TRNT1: variants seen among roughly 807,000 people sequenced by gnomAD.
The protein encoded by TRNT1 is CCA tRNA nucleotidyltransferase 1, mitochondrial.
A neutral mutation model predicts 45.6 loss-of-function variants in TRNT1; 44 were observed. The observed-to-expected ratio is 0.97, with a 90% CI of 0.76 to 1.24. TRNT1 has a LOEUF of 1.24. TRNT1 is among the 50% of genes most tolerant of loss of function. The pLI is 0.00. For missense variants in TRNT1, 633 were observed against 504.4 expected (o/e 1.25, Z -2.44); for synonymous variants, 201 against 171.4 (o/e 1.17, Z -1.35).
intron 1 of TRNT1, chr3:3,127,529 T>C (rs527327030): frequency 2.0e-5 from 3 of 152,390 alleles, no homozygotes; most frequent in Non-Finnish European, 4.4e-5. Flanking sequence ...GGATGTGATA[T>C]GTAGAAGGGA....
chr3:3,128,918 T>G, intron 1 of TRNT1, 96 bp from the exon 2 acceptor site: 1 of 942,708 alleles, frequency 1.1e-6, no homozygotes, highest in Non-Finnish European at 1.6e-6. Flanking sequence ...AGAGATGAAT[T>G]TCTGAGTTGA....
intron 5 of TRNT1, 118 bp downstream of exon 5, chr3:3,144,828 C>G: frequency 9.3e-7 from 1 of 1,073,198 alleles, no homozygotes. Context: ...AAATGTCTGT[C>G]TCCAGTGGAG....
chr3:3,151,075 G>A, downstream of TRNT1: 1 of 1,611,072 alleles, frequency 6.2e-7, no homozygotes, highest in Admixed American at 1.7e-5. Flanking sequence ...TATCAGCTAA[G>A]GAAACATTTC....
downstream of TRNT1, chr3:3,151,196 A>C (rs1706518481): frequency 2.5e-6 from 2 of 799,932 alleles, no homozygotes; most frequent in African/African-American, 3.5e-5. Context: ...CCTGAAACCT[A>C]AAAACATTTC....
At chr3:3,141,382 A>G (rs554845968) in intron 4 of TRNT1, among the ~76,000 whole-genome samples, 4 of 152,136 alleles carry the variant, frequency 2.6e-5, no homozygotes, top group Non-Finnish European at 5.9e-5. Flanking sequence ...CCTTTGCACT[A>G]TCTTTCATGC....
At chr3:3,141,089 T>C (rs1237182854) in intron 4 of TRNT1, among the ~76,000 whole-genome samples, 1 of 152,194 alleles carries the variant, frequency 6.6e-6, no homozygotes, top group East Asian at 1.9e-4. Flanking sequence ...AAGAATAGAC[T>C]CTGGAGCCAA....
chr3:3,132,740 A>AAC (rs1553552208), intron 2 of TRNT1, among the ~76,000 whole-genome samples: 4 of 134,226 alleles, frequency 3.0e-5, no homozygotes, highest in Admixed American at 2.3e-4. Flanking sequence ...GGAAAAAAAA[A>AAC]AAAACACAAA....
At chr3:3,146,837 C>G (rs1191036446) in intron 6 of TRNT1, among the ~76,000 whole-genome samples, 1 of 152,102 alleles carries the variant, frequency 6.6e-6, no homozygotes, top group African/African-American at 2.4e-5. Flanking sequence ...AGTCTCTAGT[C>G]AGACCTAGGT....
At chr3:3,137,210 C>T in intron 2 of TRNT1, 50 bp from the exon 3 acceptor site, 1 of 1,451,852 alleles carries the variant, frequency 6.9e-7, no homozygotes. Context: ...AAAATAAACA[C>T]ATTGAAATAA....
chr3:3,149,381 T>C (rs1315316831), downstream of TRNT1: 5 of 152,108 alleles, frequency 3.3e-5, no homozygotes, highest in African/African-American at 1.2e-4. Flanking sequence ...TCAGGTCTGG[T>C]TTTGTCATGT....
chr3:3,148,168 T>A lies in TRNT1; in HGVS notation c.*14T>A. 1 of 1,609,178 alleles carries A rather than the reference T, an allele frequency of 6.2e-7. No individual in the cohort carries two copies. On this transcript the variant is annotated 3_prime_UTR_variant, in exon 8 of 8. Transcript: ENST00000251607. ...AAGAAGACCTAAAACTGATGGCTAC[T>A]AAAAAGCAGAGCATTTCTGGTAAGA...
intron 4 of TRNT1, among the ~76,000 whole-genome samples, chr3:3,143,069 TAAG>T (rs903659071): frequency 2.0e-5 from 3 of 152,222 alleles, no homozygotes; most frequent in Non-Finnish European, 2.9e-5. Context: ...GTATTTTTGA[TAAG>T]TAGTTGTCAG....
chr3:3,136,036 G>C (rs1377572937), intron 2 of TRNT1, among the ~76,000 whole-genome samples: 1 of 152,172 alleles, frequency 6.6e-6, no homozygotes, highest in African/African-American at 2.4e-5. Flanking sequence ...GTGATTGGGT[G>C]TCTTAATAAT....
chr3:3,129,349 C>G (rs1704852050), intron 2 of TRNT1, 161 bp downstream of exon 2: 1 of 658,076 alleles, frequency 1.5e-6, no homozygotes, highest in Non-Finnish European at 2.5e-6. Flanking sequence ...AGGCTGGTCT[C>G]AAAACTCCTG....
At chr3:3,150,925 C>A, downstream of TRNT1, 3 of 1,613,950 alleles carry the variant, frequency 1.9e-6, no homozygotes, top group Non-Finnish European at 8.5e-7. Context: ...GGATCGTGGG[C>A]AACAGAGCAG....
chr3:3,151,499 T>C (rs895691368), downstream of TRNT1, among the ~76,000 whole-genome samples: 5 of 42,900 alleles, frequency 1.2e-4, no homozygotes, highest in African/African-American at 2.8e-4. Context: ...AAAGTAAATA[T>C]TTATATTCTA....
chr3:3,148,236 C>T lies in TRNT1; in HGVS notation c.*82C>T, dbSNP rs1273388864. On this transcript the variant is annotated 3_prime_UTR_variant, in exon 8 of 8. Transcript: ENST00000251607. ...CCTCTTAATGAGGTTTTAGAGACTA[C>T]ACCAGAATAAAAGACAGTTTAGGGG... 1 of 1,477,708 alleles carries T rather than the reference C, an allele frequency of 6.8e-7. No individual in the cohort carries two copies. The highest frequency in any genetic ancestry group is 2.3e-5 in the East Asian group (1 of 43,810). The allele number at this position is 1,477,708 out of a possible 1,614,324, so 91.5% of individuals were successfully genotyped here.
intron 3 of TRNT1, among the ~76,000 whole-genome samples, chr3:3,140,020 C>T (rs1344017997): frequency 6.6e-6 from 1 of 152,150 alleles, no homozygotes; most frequent in Non-Finnish European, 1.5e-5. Flanking sequence ...TGAGCCACCA[C>T]CCCCAGCCTT....
rs1267775202 is a variant in TRNT1 at position 3,137,326 on chromosome 3, G to T, written c.215G>T (p.Gly72Val). 6.2e-7 allele frequency: 1 copy of T among 1,613,574 alleles called. No homozygotes were observed. Among genetic ancestry groups the T allele is most frequent in the Non-Finnish European group, 8.5e-7 (1 of 1,179,698 alleles). ...AGGAVRDLLN[G>V]VKPQDIDFAT... ...GGAGCAGTGAGGGATTTATTAAATG[G>T]AGTAAAGCCTCAGGATATAGATTTT... The change falls in exon 3 of 8, where the codon GGA (glycine) becomes GTA (valine). Residue 72 changes from glycine to valine, a missense_variant. By Grantham distance (109) the Gly-to-Val change is moderately radical. Coordinates refer to ENST00000251607, the MANE Select transcript of TRNT1 (RefSeq NM_182916.3).
Sources: gnomAD v4.1 joint callset for allele counts (sites outside exome capture counted in the v4.1 genomes callset) on GRCh38, gnomAD v4.1.1 for gene constraint, MANE v1.5 for transcripts, NCBI Gene and HGNC (gene_info 2026-07-23, HGNC 2026-07-21) for gene names.